The following EMSY variants were observed in gnomAD, a reference collection of about 807,000 sequenced individuals.
EMSY encodes the protein BRCA2-interacting transcriptional repressor EMSY.
A neutral mutation model predicts 134.6 loss-of-function variants in EMSY; 26 were observed. That is an observed-to-expected ratio of 0.19 (90% CI 0.14 to 0.27). The LOEUF is 0.27. EMSY is among the 10% of genes least tolerant of loss of function. EMSY has a pLI of 1.00. For missense variants in EMSY, 1,305 were observed against 1,611.4 expected (o/e 0.81, Z 3.26); for synonymous variants, 579 against 577.8 (o/e 1.00, Z -0.03).
chr11:76,468,853 G>A (rs1948462286), intron 7 of EMSY, among the ~76,000 whole-genome samples: 1 of 152,040 alleles, frequency 6.6e-6, no homozygotes, highest in African/African-American at 2.4e-5. Flanking sequence ...TGTCCTTAGG[G>A]TGCAAGTCCC....
rs551201652 is a variant in EMSY, at chr11:76,502,454, A to T, written c.1363+5985A>T. On this transcript the variant is annotated intron_variant, in intron 9 of 20. Coordinates refer to ENST00000334736, the Ensembl canonical transcript of EMSY. ...AGATGACATGATCCTTTATATTATT[A>T]AAAAAAAAAAAGCATCCAGATTGAA... Among the ~76,000 whole-genome samples, 332 of 143,482 alleles carry T rather than the reference A, an allele frequency of 2.3e-3. 3 individuals are homozygous for T. Among genetic ancestry groups the T allele is most frequent in the Non-Finnish European group, 2.0e-3 (127 of 64,934 alleles). The allele number at this position is 143,482 out of a possible 152,430, so 94.1% of individuals were successfully genotyped here. A position where few individuals can be genotyped will look rare whatever the true frequency, so the allele number is the denominator to read the frequency against.
At chr11:76,471,996 T>C (rs1948590309) in intron 7 of EMSY, among the ~76,000 whole-genome samples, 1 of 152,210 alleles carries the variant, frequency 6.6e-6, no homozygotes, top group Admixed American at 6.5e-5. Context: ...GAGAGGTCTT[T>C]ATTGAATACA....
At chr11:76,476,519 C>A (rs1188213229) in intron 8 of EMSY, among the ~76,000 whole-genome samples, 1 of 152,156 alleles carries the variant, frequency 6.6e-6, no homozygotes, top group African/African-American at 2.4e-5. Flanking sequence ...TGTATGTTTT[C>A]AGATGAATTG....
intron 2 of EMSY, among the ~76,000 whole-genome samples, chr11:76,450,503 T>C (rs79714626): frequency 6.6e-6 from 1 of 151,692 alleles, no homozygotes; most frequent in East Asian, 1.9e-4. Flanking sequence ...TTTTTTTTTT[T>C]CCTTCTGAGA....
At chr11:76,463,136 G>T (rs1454199736) in intron 6 of EMSY, among the ~76,000 whole-genome samples, 1 of 151,286 alleles carries the variant, frequency 6.6e-6, no homozygotes, top group Non-Finnish European at 1.5e-5. Flanking sequence ...GGCCAACATG[G>T]TGAAACCCTG....
chr11:76,495,612 T>C (rs1949621571), intron 8 of EMSY, among the ~76,000 whole-genome samples: 1 of 152,186 alleles, frequency 6.6e-6, no homozygotes, highest in African/African-American at 2.4e-5. Context: ...ATGTTGAGTA[T>C]GCCCATTTAC....
chr11:76,537,945 C>T (rs928356875), exon 16 of EMSY: 4 of 1,608,156 alleles, frequency 2.5e-6, no homozygotes, highest in Non-Finnish European at 3.4e-6. Context: ...GAATACATCA[C>T]TACTGGTAGG....
chr11:76,538,094 G>T, intron 16 of EMSY, 144 bp downstream of exon 17: 1 of 690,816 alleles, frequency 1.4e-6, no homozygotes, highest in East Asian at 3.1e-5. Flanking sequence ...CCATCCTTGG[G>T]ATTTACCCTG....
At chr11:76,473,322 G>A (rs560677468) in intron 8 of EMSY, among the ~76,000 whole-genome samples, 8 of 143,946 alleles carry the variant, frequency 5.6e-5, no homozygotes, top group South Asian at 2.2e-4. Context: ...TTTTTTTCTC[G>A]TTGAGACAGG....
chr11:76,472,796 T>C, exon 8 of EMSY: 1 of 1,614,208 alleles, frequency 6.2e-7, no homozygotes, highest in Non-Finnish European at 8.5e-7. Context: ...GTAACAGCTG[T>C]GGTGTCCTCT....
chr11:76,548,957 A>G (rs558438945), intron 20 of EMSY, among the ~76,000 whole-genome samples: 1 of 152,334 alleles, frequency 6.6e-6, no homozygotes, highest in South Asian at 2.1e-4. Flanking sequence ...GCATCTAGCA[A>G]TGAGTAAGAT....
intron 17 of EMSY, among the ~76,000 whole-genome samples, chr11:76,540,772 G>A (rs558368531): frequency 2.3e-4 from 35 of 152,108 alleles, no homozygotes; most frequent in Non-Finnish European, 3.5e-4. Context: ...ATAGATCAGG[G>A]TATATGAACA....
chr11:76,533,556 C>T (rs761645427), intron 14 of EMSY, among the ~76,000 whole-genome samples: 1 of 152,144 alleles, frequency 6.6e-6, no homozygotes, highest in Non-Finnish European at 1.5e-5. Flanking sequence ...CAGCATTAAA[C>T]AAACTTTAAG....
intron 11 of EMSY, among the ~76,000 whole-genome samples, chr11:76,522,407 G>T (rs1292184490): frequency 9.1e-6 from 1 of 110,004 alleles, no homozygotes; most frequent in Non-Finnish European, 1.7e-5. Flanking sequence ...TTGCTCTGTA[G>T]CCCAGGATGG....
At chr11:76,499,974 G>T (rs932525855) in intron 9 of EMSY, among the ~76,000 whole-genome samples, 7 of 151,588 alleles carry the variant, frequency 4.6e-5, no homozygotes, top group Non-Finnish European at 2.9e-5. Flanking sequence ...TAGGTACTTG[G>T]GAGGGAGCAG....
At chr11:76,464,035 C>G in exon 7 of EMSY, 1 of 1,614,188 alleles carries the variant, frequency 6.2e-7, no homozygotes, top group South Asian at 1.1e-5. Flanking sequence ...TAAAAATAAC[C>G]TTCACTAAAC....
intron 8 of EMSY, among the ~76,000 whole-genome samples, chr11:76,478,950 C>T (rs988582383): frequency 2.0e-4 from 30 of 152,078 alleles, no homozygotes; most frequent in Non-Finnish European, 3.7e-4. Context: ...AGAACCAGCA[C>T]TCAGGAGCAG....
At chr11:76,520,143 TTGATCA>T (rs1950592409) in intron 11 of EMSY, among the ~76,000 whole-genome samples, 1 of 152,180 alleles carries the variant, frequency 6.6e-6, no homozygotes, top group African/African-American at 2.4e-5. Flanking sequence ...AAATTTATAA[TTGATCA>T]TTCTATCAAT....
At chr11:76,515,698 C>A (rs533479659) in intron 10 of EMSY, among the ~76,000 whole-genome samples, 2 of 152,304 alleles carry the variant, frequency 1.3e-5, no homozygotes, top group East Asian at 3.9e-4. Flanking sequence ...GCAAACAATA[C>A]TGCCTTATTT....
Sources: allele counts gnomAD v4.1 joint callset (sites outside exome capture counted in the v4.1 genomes callset), GRCh38; gene constraint gnomAD v4.1.1; transcripts MANE v1.5; gene names NCBI Gene and HGNC (gene_info 2026-07-23, HGNC 2026-07-21).